PIK3C2G: variants seen among roughly 807,000 people sequenced by gnomAD.
PIK3C2G encodes the protein phosphatidylinositol-4-phosphate 3-kinase catalytic subunit type 2 gamma, also known as phosphatidylinositol 3-kinase C2 domain-containing subunit gamma.
A neutral mutation model predicts 181.1 loss-of-function variants in PIK3C2G; 168 were observed. That is an observed-to-expected ratio of 0.93 (90% CI 0.82 to 1.05). The LOEUF (loss-of-function observed/expected upper bound fraction) is 1.05. PIK3C2G is among the 50% of genes least tolerant of loss of function. PIK3C2G has a pLI of 0.00. For synonymous variants in PIK3C2G, 573 were observed against 592.2 expected (o/e 0.97, Z 0.47); for missense variants, 1,869 against 1,732.8 (o/e 1.08, Z -1.40).
At chr12:18,428,073 G>T (rs1449097958) in intron 18 of PIK3C2G, among the ~76,000 whole-genome samples, 3 of 151,880 alleles carry the variant, frequency 2.0e-5, no homozygotes, top group African/African-American at 7.3e-5. Context: ...GATCCTCTAA[G>T]GGGGGAGATT....
At chr12:18,510,055 A>G (rs1048180512) in intron 24 of PIK3C2G, among the ~76,000 whole-genome samples, 3 of 151,908 alleles carry the variant, frequency 2.0e-5, no homozygotes, top group Non-Finnish European at 4.4e-5. Context: ...TGCAGCCTTT[A>G]CCTCCCTGGA....
intron 19 of PIK3C2G, among the ~76,000 whole-genome samples, chr12:18,490,569 C>T (rs892592669): frequency 2.6e-5 from 4 of 152,110 alleles, no homozygotes; most frequent in Non-Finnish European, 1.5e-5. Flanking sequence ...CTCCTACTCT[C>T]GGTCTCCATT....
rs501379 is a variant in PIK3C2G, at chr12:18,648,083, T to C, written c.*55T>C. ...TAACTACTTGTATTTTTTTCACTTC[T>C]GGGCCTCTGAATCACATAAGTAAGG... On this transcript the variant is annotated 3_prime_UTR_variant, in exon 33 of 33. Coordinates refer to ENST00000538779, the MANE Select transcript of PIK3C2G (RefSeq NM_001288772.2). 1 allele frequency: 1,181,572 copies of C among 1,181,886 alleles called. 590,629 individuals carry two copies. Among genetic ancestry groups the C allele is most frequent in the East Asian group, 1 (36,422 of 36,422 alleles). The allele number at this position is 1,181,886 out of a possible 1,614,324, so 73.2% of individuals were successfully genotyped here.
chr12:18,367,749 G>T (rs937201279), intron 12 of PIK3C2G, among the ~76,000 whole-genome samples: 1 of 151,676 alleles, frequency 6.6e-6, no homozygotes, highest in Non-Finnish European at 1.5e-5. Context: ...GTACAGACAG[G>T]GTTTCTCCAT....
chr12:18,430,221 A>T (rs527535866), intron 18 of PIK3C2G, among the ~76,000 whole-genome samples: 1 of 152,192 alleles, frequency 6.6e-6, no homozygotes, highest in Non-Finnish European at 1.5e-5. Context: ...ATGCTATGGG[A>T]TACATCGTAG....
rs1218379069 is a variant in PIK3C2G at position 18,261,539 on chromosome 12, A to G, written c.-117A>G. ...GAGCGTATTTGACTCTTGAAAAGAA[A>G]TGAGATCGTGTTTCATTTCAGGAAG... On this transcript the variant is annotated 5_prime_UTR_variant, in exon 1 of 33. It removes an upstream start codon present in the reference 5' UTR. Coordinates refer to ENST00000538779, the MANE Select transcript of PIK3C2G (RefSeq NM_001288772.2). 6.6e-6 allele frequency: 1 copy of G among 152,182 alleles called. No homozygotes were observed. The highest frequency in any genetic ancestry group is 1.5e-5 in the Non-Finnish European group (1 of 68,030). 9.4% of individuals were successfully genotyped at this position (152,182 alleles called of 1,614,324 possible). A position where few individuals can be genotyped will look rare whatever the true frequency, so the allele number is the denominator to read the frequency against.
At chr12:18,392,950 T>A in intron 15 of PIK3C2G, among the ~76,000 whole-genome samples, 1 of 152,112 alleles carries the variant, frequency 6.6e-6, no homozygotes, top group East Asian at 1.9e-4. Context: ...CATACTAGAC[T>A]ATTGTCATCT....
At chr12:18,329,122 A>C (rs1169312816) in intron 8 of PIK3C2G, among the ~76,000 whole-genome samples, 1 of 151,986 alleles carries the variant, frequency 6.6e-6, no homozygotes, top group Non-Finnish European at 1.5e-5. Context: ...GACTTGAAGA[A>C]GTATAAAAAA....
At chr12:18,683,539 C>T in the PIK3C2G span, 1 of 1,507,404 alleles carries the variant, frequency 6.6e-7, no homozygotes, top group Non-Finnish European at 8.9e-7. Flanking sequence ...ATACACAGCT[C>T]ATACTTCTCC....
At chr12:18,417,145 T>C (rs1945226274) in intron 16 of PIK3C2G, among the ~76,000 whole-genome samples, 1 of 152,188 alleles carries the variant, frequency 6.6e-6, no homozygotes, top group Non-Finnish European at 1.5e-5. Flanking sequence ...GTAGAACTTA[T>C]AAGTGAACTA....
At chr12:18,712,501 TG>T in the PIK3C2G span, among the ~76,000 whole-genome samples, 77 of 152,112 alleles carry the variant, frequency 5.1e-4, 1 homozygote, top group Admixed American at 1.3e-4. Flanking sequence ...GTAAAAGAGT[TG>T]AATATTGGTA....
chr12:18,424,282 T>A (rs1945663298), intron 18 of PIK3C2G, among the ~76,000 whole-genome samples: 2 of 152,228 alleles, frequency 1.3e-5, no homozygotes, highest in South Asian at 4.1e-4. Context: ...GAATTTCAAA[T>A]CTGAATGATG....
chr12:18,598,521 C>T (rs1307319704), intron 30 of PIK3C2G, among the ~76,000 whole-genome samples: 11 of 151,642 alleles, frequency 7.3e-5, no homozygotes, highest in African/African-American at 9.7e-5. Flanking sequence ...AAGACTTAAA[C>T]GTTAGACCTA....
intron 4 of PIK3C2G, 58 bp downstream of exon 4, chr12:18,291,070 G>A (rs1399327382): frequency 4.0e-6 from 4 of 1,001,372 alleles, no homozygotes. Context: ...TGGCGACGTA[G>A]CCTTGAATTC....
chr12:18,251,528 C>T (rs1021360720), intron 1 of PIK3C2G, among the ~76,000 whole-genome samples: 7 of 151,940 alleles, frequency 4.6e-5, no homozygotes, highest in African/African-American at 1.7e-4. Context: ...TATAGTATCA[C>T]AAATACATCA....
intron 11 of PIK3C2G, among the ~76,000 whole-genome samples, chr12:18,356,766 C>T (rs1157992824): frequency 1.3e-5 from 2 of 151,766 alleles, no homozygotes; most frequent in African/African-American, 2.4e-5. Context: ...TGTCAAGCCG[C>T]CCCTCTGAAG....
intron 22 of PIK3C2G, among the ~76,000 whole-genome samples, chr12:18,501,175 C>T (rs1385393525): frequency 2.6e-5 from 4 of 152,186 alleles, no homozygotes; most frequent in African/African-American, 9.7e-5. Context: ...CAATTCCGGA[C>T]GCACCTGGAC....
chr12:18,703,667 C>T, the PIK3C2G span, among the ~76,000 whole-genome samples: 1 of 152,144 alleles, frequency 6.6e-6, no homozygotes, highest in Admixed American at 6.5e-5. Context: ...TATGTTAACC[C>T]TTGTGTGGAA....
intron 31 of PIK3C2G, among the ~76,000 whole-genome samples, chr12:18,611,360 C>A (rs1425363776): frequency 2.0e-5 from 3 of 152,106 alleles, no homozygotes; most frequent in African/African-American, 7.2e-5. Context: ...AGTCTGCCTT[C>A]TCAGTTTACT....
Sources: allele counts gnomAD v4.1 joint callset (sites outside exome capture counted in the v4.1 genomes callset), GRCh38; gene constraint gnomAD v4.1.1; transcripts MANE v1.5; gene names NCBI Gene and HGNC (gene_info 2026-07-23, HGNC 2026-07-21).